The following GSG1L variants were observed in gnomAD, a reference collection of about 807,000 sequenced individuals.
The protein encoded by GSG1L is germ cell-specific gene 1-like protein.
Under a neutral mutation model 42.1 loss-of-function variants are expected in GSG1L, and 24 were observed. That is an observed-to-expected ratio of 0.57 (90% confidence interval 0.41 to 0.80). GSG1L has a LOEUF of 0.80. GSG1L is among the 30% of genes least tolerant of loss of function. GSG1L has a pLI of 0.00. For synonymous variants in GSG1L, 215 were observed against 203.5 expected, an observed-to-expected ratio of 1.06 and a Z score of -0.48; for missense variants, 445 against 472.2, an observed-to-expected ratio of 0.94 and a Z score of 0.53.
chr16:27,965,902 A>G (rs971579632), intron 1 of GSG1L, among the ~76,000 whole-genome samples: 20 of 152,202 alleles, frequency 1.3e-4, no homozygotes, highest in African/African-American at 4.8e-4. Flanking sequence ...ACCCCAAGTC[A>G]GAGCCTAAGT....
chr16:27,976,669 A>T (rs2085254211), intron 1 of GSG1L, among the ~76,000 whole-genome samples: 1 of 152,236 alleles, frequency 6.6e-6, no homozygotes, highest in Non-Finnish European at 1.5e-5. Flanking sequence ...ACGAGGCAGC[A>T]GACTTAAGAT....
At chr16:27,876,373 A>G (rs1029862418) in intron 3 of GSG1L, among the ~76,000 whole-genome samples, 1 of 152,186 alleles carries the variant, frequency 6.6e-6, no homozygotes, top group East Asian at 1.9e-4. Flanking sequence ...ATGCCAAGGA[A>G]TTAAGAAGTG....
chr16:27,856,180 C>T (rs954104048), intron 3 of GSG1L, among the ~76,000 whole-genome samples: 18 of 152,134 alleles, frequency 1.2e-4, no homozygotes, highest in Non-Finnish European at 2.4e-4. Context: ...CCCACATACC[C>T]CAGTCATAAA....
intron 1 of GSG1L, among the ~76,000 whole-genome samples, chr16:27,972,779 A>G (rs1408532824): frequency 6.6e-6 from 1 of 152,226 alleles, no homozygotes; most frequent in African/African-American, 2.4e-5. Flanking sequence ...GTCAGGGTGG[A>G]GCCCATATAT....
intron 2 of GSG1L, among the ~76,000 whole-genome samples, chr16:27,935,250 C>T (rs1431051186): frequency 6.6e-6 from 1 of 152,108 alleles, no homozygotes. Flanking sequence ...GAGAGAGGTC[C>T]CTGTGGGTCC....
intron 6 of GSG1L, among the ~76,000 whole-genome samples, chr16:27,804,056 TA>T (rs1007917255): frequency 2.8e-4 from 42 of 151,000 alleles, no homozygotes; most frequent in Admixed American, 4.0e-4. Context: ...GATAGATAGA[TA>T]GATAGATAGA....
At chr16:27,971,524 ATTAG>A (rs2085193077) in intron 1 of GSG1L, among the ~76,000 whole-genome samples, 1 of 152,206 alleles carries the variant, frequency 6.6e-6, no homozygotes, top group Non-Finnish European at 1.5e-5. Context: ...GAACTCATTT[ATTAG>A]TTCTAACAGT....
chr16:28,056,291 TA>T lies in GSG1L; in HGVS notation c.349+6784del, dbSNP rs541763872. 2.5e-4 allele frequency among the ~76,000 whole-genome samples: 38 copies of T among 152,004 alleles called. No individual in the cohort carries two copies. The South Asian group carries it at 4.4e-3, about 18-fold the overall frequency. Reference sequence around the variant, plus strand: ...TACGCCATGGAATACTATGCAGCCATAAAAAAATGATGAGTTCATGTCTTTT... The same window carrying T: ...TACGCCATGGAATACTATGCAGCCATAAAAAATGATGAGTTCATGTCTTTT... On this transcript the variant is annotated intron_variant, in intron 1 of 6. Transcript: ENST00000447459.
At chr16:27,952,963 A>G (rs973922521) in intron 2 of GSG1L, among the ~76,000 whole-genome samples, 6 of 152,212 alleles carry the variant, frequency 3.9e-5, no homozygotes, top group Non-Finnish European at 7.3e-5. Context: ...CGCTGACCCA[A>G]CTTCTAACAA....
intron 1 of GSG1L, among the ~76,000 whole-genome samples, chr16:27,981,307 C>T (rs8054996): frequency 0.23 from 34,512 of 152,042 alleles, 4,262 homozygotes; most frequent in South Asian, 0.38. Flanking sequence ...ACTTGCTGGG[C>T]GGGCAGAGAA....
chr16:27,918,050 C>T (rs959588790), intron 2 of GSG1L, among the ~76,000 whole-genome samples: 5 of 152,188 alleles, frequency 3.3e-5, no homozygotes, highest in African/African-American at 9.7e-5. Context: ...GAAACAGCCC[C>T]AACACACCTA....
At chr16:28,007,367 A>G (rs1204022932) in intron 1 of GSG1L, among the ~76,000 whole-genome samples, 1 of 152,142 alleles carries the variant, frequency 6.6e-6, no homozygotes, top group East Asian at 1.9e-4. Flanking sequence ...GAGACTGGAA[A>G]AGGCAAGGAA....
chr16:27,970,339 A>G (rs906971601), intron 1 of GSG1L, among the ~76,000 whole-genome samples: 23 of 152,150 alleles, frequency 1.5e-4, no homozygotes, highest in Middle Eastern at 3.4e-3. Flanking sequence ...TGGGAGGCCG[A>G]GGCAGGTGGA....
At chr16:27,808,944 A>C (rs1241604519) in intron 5 of GSG1L, among the ~76,000 whole-genome samples, 2 of 152,040 alleles carry the variant, frequency 1.3e-5, no homozygotes, top group African/African-American at 4.8e-5. Flanking sequence ...TTAGACCTTC[A>C]CCTGCGTCCC....
chr16:27,987,319 A>G (rs1213121570), intron 1 of GSG1L, among the ~76,000 whole-genome samples: 1 of 152,120 alleles, frequency 6.6e-6, no homozygotes, highest in African/African-American at 2.4e-5. Flanking sequence ...GCCTGGGTCT[A>G]TGGTCAGATG....
In GSG1L at chr16:28,040,696, G is replaced by A. The variant is rs980235023; in HGVS notation, c.349+22380C>T. On this transcript the variant is annotated intron_variant, in intron 1 of 6. Transcript: ENST00000447459. This position sits in a 1 kb window ranked among gnomAD's most constrained non-coding sequence, Gnocchi z 4.1. ...CAGGCCTGAGAGCCTTCCCTCCACT[G>A]GGCTCTGGCCCCTCTGGGCTTGCAG... Among the ~76,000 whole-genome samples, 12 of 152,220 alleles carry A rather than the reference G, an allele frequency of 7.9e-5. No individual in the cohort carries two copies. Among genetic ancestry groups the A allele is most frequent in the African/African-American group, 2.9e-4 (12 of 41,468 alleles).
intron 3 of GSG1L, among the ~76,000 whole-genome samples, chr16:27,883,263 AG>A (rs1318423718): frequency 1.2e-5 from 1 of 86,130 alleles, no homozygotes; most frequent in Non-Finnish European, 2.7e-5. Flanking sequence ...TAAAAGATGG[AG>A]GGGAAAAAAA....
intron 1 of GSG1L, among the ~76,000 whole-genome samples, chr16:28,043,940 T>C (rs956345428): frequency 4.0e-5 from 6 of 150,556 alleles, no homozygotes; most frequent in African/African-American, 7.3e-5. Context: ...GAGGATCGCT[T>C]GAGCCCAGGA....
At position 27,868,744 on chromosome 16, in the gene GSG1L, G is replaced by A. The variant is rs1426283005; in HGVS notation, c.550+15742C>T. ...TCTCGGCAACCCTCAGCTGGAGCTA[G>A]GCTGGAGCTGGGGCGTTTCATGAGG... On this transcript the variant is annotated intron_variant, in intron 3 of 6. Coordinates refer to ENST00000447459, the MANE Select transcript of GSG1L (RefSeq NM_001109763.2). Among the ~76,000 whole-genome samples the A allele has an allele frequency of 2.0e-5, 3 of 152,288 alleles. No individual in the cohort carries two copies. In the East Asian group the frequency reaches 5.8e-4, roughly 29 times the overall value.
Sources: allele counts gnomAD v4.1 joint callset (sites outside exome capture counted in the v4.1 genomes callset), GRCh38; gene constraint gnomAD v4.1.1; non-coding constraint Gnocchi (gnomAD v3.1); transcripts MANE v1.5; gene names NCBI Gene and HGNC (gene_info 2026-07-23, HGNC 2026-07-21).